The following DAB1 variants were observed in gnomAD, a reference collection of about 807,000 sequenced individuals.
DAB1 encodes the protein disabled homolog 1.
Under a neutral mutation model 64.6 loss-of-function variants are expected in DAB1, and 15 were observed. The observed-to-expected ratio is 0.23, with a 90% CI of 0.16 to 0.36. DAB1 has a LOEUF of 0.36. Among genes scored for constraint, DAB1 ranks in the 10% least tolerant of loss-of-function variants. DAB1 has a pLI of 1.00. For synonymous variants in DAB1, 235 were observed against 251.9 expected (o/e 0.93, Z 0.64); for missense variants, 596 against 706.7 (o/e 0.84, Z 1.78).
rs1019417165 is a variant in DAB1, at chr1:58,105,309, T to C, written n.387+45202A>G. 2.0e-4 allele frequency among the ~76,000 whole-genome samples: 31 copies of C among 152,216 alleles called. 1 individual carries two copies. The highest frequency in any genetic ancestry group is 6.0e-4 in the African/African-American group (25 of 41,460). ...TCAGTTAAAAGCAAGACCCCATCTG[T>C]AAACACTCATCGGCACCCATTAGAA... On this transcript the variant is annotated intron_variant and non_coding_transcript_variant, in intron 5 of 20. Coordinates refer to the DAB1 transcript ENST00000485760.
intron 5 of DAB1, among the ~76,000 whole-genome samples, chr1:57,952,153 A>G (rs984603029): frequency 6.6e-5 from 10 of 152,136 alleles, no homozygotes; most frequent in Admixed American, 6.5e-4. Flanking sequence ...GACCACATGA[A>G]TAAGTTCTGA....
At chr1:57,589,464 TG>T (rs1333417778) in intron 7 of DAB1, among the ~76,000 whole-genome samples, 2 of 152,134 alleles carry the variant, frequency 1.3e-5, no homozygotes, top group Non-Finnish European at 2.9e-5. Flanking sequence ...ACAAGCTCTC[TG>T]ATATAAAGAG....
chr1:58,010,533 G>T (rs114619580), intron 5 of DAB1, among the ~76,000 whole-genome samples: 1 of 152,122 alleles, frequency 6.6e-6, no homozygotes, highest in Non-Finnish European at 1.5e-5. Flanking sequence ...AAAATCTAGC[G>T]CATTTCCCAG....
At chr1:58,458,490 G>C (rs1645212171) in intron 3 of DAB1, among the ~76,000 whole-genome samples, 1 of 152,216 alleles carries the variant, frequency 6.6e-6, no homozygotes, top group Non-Finnish European at 1.5e-5. Flanking sequence ...AAAGCTACAG[G>C]TAGCAAAGTG....
chr1:57,860,267 T>C (rs1329230456), intron 1 of DAB1, among the ~76,000 whole-genome samples: 1 of 152,214 alleles, frequency 6.6e-6, no homozygotes, highest in Non-Finnish European at 1.5e-5. Context: ...TATATTACAT[T>C]TGAGACACTC....
At chr1:57,558,623 G>C (rs1445996434) in intron 7 of DAB1, among the ~76,000 whole-genome samples, 1 of 152,208 alleles carries the variant, frequency 6.6e-6, no homozygotes, top group East Asian at 1.9e-4. Flanking sequence ...AAGGAACATA[G>C]AGTTGGATCA....
Position 57,160,929 on chromosome 1 carries a change from A to G in DAB1, c.68-15500T>C, listed in dbSNP as rs141654241. 2.9e-4 allele frequency among the ~76,000 whole-genome samples: 44 copies of G among 152,154 alleles called. 1 individual carries two copies. The East Asian group carries it at 8.5e-3, about 30-fold the overall frequency. On this transcript the variant is annotated intron_variant, in intron 2 of 14. Transcript: ENST00000371236. ...CATGTCTCAGTTTGAGACAATCCTG[A>G]AGGAAAACTCCCACGGGATAGTGGG... is the stretch of plus-strand genomic sequence containing the variant.
At chr1:57,107,212 T>C (rs1295726046) in intron 4 of DAB1, among the ~76,000 whole-genome samples, 1 of 151,656 alleles carries the variant, frequency 6.6e-6, no homozygotes, top group Non-Finnish European at 1.5e-5. Context: ...CCGTCCCTAC[T>C]GAAAATACAA....
At chr1:57,308,323 A>G (rs1285837717) in intron 1 of DAB1, among the ~76,000 whole-genome samples, 1 of 152,190 alleles carries the variant, frequency 6.6e-6, no homozygotes, top group East Asian at 1.9e-4. Flanking sequence ...CCATGCAAGG[A>G]GGAATGGATA....
chr1:58,501,388 T>A (rs943722526), intron 3 of DAB1, among the ~76,000 whole-genome samples: 1 of 152,178 alleles, frequency 6.6e-6, no homozygotes, highest in Non-Finnish European at 1.5e-5. Context: ...GTAGATCACA[T>A]CATTTTCAAA....
chr1:58,369,279 A>T (rs184021925), intron 3 of DAB1, among the ~76,000 whole-genome samples: 2 of 152,122 alleles, frequency 1.3e-5, no homozygotes, highest in Non-Finnish European at 2.9e-5. Flanking sequence ...TTAGCTTCTG[A>T]ATATTTGTCT....
intron 5 of DAB1, among the ~76,000 whole-genome samples, chr1:57,930,075 G>T (rs1442225820): frequency 6.6e-6 from 1 of 152,194 alleles, no homozygotes; most frequent in Non-Finnish European, 1.5e-5. Context: ...TTTGTGAAGG[G>T]TATAAAGTCT....
chr1:57,129,912 G>A (rs528109242), intron 4 of DAB1, among the ~76,000 whole-genome samples: 8 of 152,036 alleles, frequency 5.3e-5, no homozygotes, highest in African/African-American at 1.4e-4. Flanking sequence ...TCCCTTCTGT[G>A]TTTCATTCTA....
chr1:57,995,636 A>C (rs1241049146), intron 5 of DAB1, among the ~76,000 whole-genome samples: 3 of 152,176 alleles, frequency 2.0e-5, no homozygotes, highest in African/African-American at 4.8e-5. Context: ...TCATAATGCA[A>C]AGGTAATTTT....
intron 1 of DAB1, among the ~76,000 whole-genome samples, chr1:57,857,854 A>C (rs1441614158): frequency 4.9e-5 from 6 of 121,268 alleles, no homozygotes; most frequent in Middle Eastern, 3.4e-3. Flanking sequence ...ATGTTCATAC[A>C]AAAAAAAAAA....
Position 57,332,016 on chromosome 1 carries a change from G to A in DAB1, c.-136-40850C>T, listed in dbSNP as rs183379255. On this transcript the variant is annotated intron_variant, in intron 1 of 14. Transcript: ENST00000371236. ...TCTTGCTCTATTGCCCAGCCTAGCC[G>A]GAGTTAGTGCAATCTCGACTCACTA... 1.9e-3 allele frequency among the ~76,000 whole-genome samples: 287 copies of A among 152,246 alleles called. 5 individuals carry two copies. Among genetic ancestry groups the A allele is most frequent in the Non-Finnish European group, 1.1e-3 (72 of 68,004 alleles).
In DAB1 at chr1:57,921,940, T is replaced by G. The variant is rs548709371; in HGVS notation, n.388-37778A>C. 1.7e-4 allele frequency among the ~76,000 whole-genome samples: 26 copies of G among 152,314 alleles called. No individual in the cohort carries two copies. The East Asian group carries it at 4.6e-3, about 27-fold the overall frequency. On this transcript the variant is annotated intron_variant and non_coding_transcript_variant, in intron 5 of 20. Transcript: ENST00000485760. ...CCAGCTACACCGGCCCCCTCCGTGG[T>G]GTTTCTTGAGCTAACCCTCACCTTC...
intron 2 of DAB1, among the ~76,000 whole-genome samples, chr1:58,516,072 G>C (rs1386915731): frequency 1.3e-5 from 2 of 152,146 alleles, no homozygotes; most frequent in African/African-American, 4.8e-5. Context: ...CACTTAACAG[G>C]CTTTGGGGAT....
intron 4 of DAB1, among the ~76,000 whole-genome samples, chr1:58,300,008 G>A (rs1662084655): frequency 1.3e-5 from 2 of 152,190 alleles, no homozygotes; most frequent in East Asian, 3.9e-4. Context: ...TTCATTTATG[G>A]CTTAGCTCCA....
Sources: gnomAD v4.1 joint callset for allele counts (sites outside exome capture counted in the v4.1 genomes callset) on GRCh38, gnomAD v4.1.1 for gene constraint, MANE v1.5 for transcripts, NCBI Gene and HGNC (gene_info 2026-07-23, HGNC 2026-07-21) for gene names.